The following SAMMSON variants were observed in gnomAD, a reference collection of about 807,000 sequenced individuals.
SAMMSON encodes long intergenic non-protein coding RNA 1212.
At chr3:70,185,469 C>T (rs893479922) in intron 4 of SAMMSON, among the ~76,000 whole-genome samples, 3 of 152,108 alleles carry the variant, frequency 2.0e-5, no homozygotes, top group Non-Finnish European at 4.4e-5. Context: ...AAGTTTGCCA[C>T]CCTCTTGCAG....
intron 8 of SAMMSON, among the ~76,000 whole-genome samples, chr3:70,356,685 C>A (rs534372774): frequency 2.6e-5 from 4 of 151,888 alleles, no homozygotes; most frequent in Admixed American, 2.6e-4. Context: ...AATACCTATC[C>A]TTTTTGTTTT....
At chr3:70,235,371 A>G (rs1002157397) in intron 4 of SAMMSON, among the ~76,000 whole-genome samples, 3 of 152,150 alleles carry the variant, frequency 2.0e-5, no homozygotes, top group Non-Finnish European at 4.4e-5. Context: ...ATACTATTTC[A>G]TCACCCACTC....
At chr3:70,127,727 T>G (rs1576129205) in intron 4 of SAMMSON, 1 of 152,306 alleles carries the variant, frequency 6.6e-6, no homozygotes, top group Non-Finnish European at 1.5e-5. Context: ...CTTCATCTTC[T>G]GCCTCCCAGT....
intron 7 of SAMMSON, among the ~76,000 whole-genome samples, chr3:70,299,965 A>G (rs1702331546): frequency 6.6e-6 from 1 of 152,086 alleles, no homozygotes; most frequent in Non-Finnish European, 1.5e-5. Context: ...TCGTTCTCTG[A>G]AAAGAACATA....
At chr3:70,136,428 A>C (rs1350851001) in intron 4 of SAMMSON, among the ~76,000 whole-genome samples, 2 of 152,208 alleles carry the variant, frequency 1.3e-5, no homozygotes, top group Admixed American at 1.3e-4. Flanking sequence ...GGCCTTTGCC[A>C]ATAGCCATCT....
chr3:70,337,161 CTAACTTAATATAATATTAATAATATG>C (rs879923808), intron 7 of SAMMSON, among the ~76,000 whole-genome samples: 10,326 of 72,082 alleles, frequency 0.14, 497 homozygotes, highest in South Asian at 0.16. Context: ...ATAATAATAT[CTAACTTAATATAATATTAATAATATG>C]TAACTTAATA....
chr3:70,109,637 T>A (rs935770827), intron 4 of SAMMSON, among the ~76,000 whole-genome samples: 3 of 152,132 alleles, frequency 2.0e-5, no homozygotes, highest in Admixed American at 2.0e-4. Context: ...ATATTCACAA[T>A]AGCTCTGTGA....
At position 70,198,552 on chromosome 3, in the gene SAMMSON, T is replaced by C. The variant is rs982840342; in HGVS notation, n.508-50555T>C. ...CTATATAAAGTTATAAGGTGAGTCC[T>C]GAATATAAGTAAACAGAAATCTTTC... is the stretch of plus-strand genomic sequence containing the variant. On this transcript the variant is annotated intron_variant and non_coding_transcript_variant, in intron 4 of 9. Coordinates refer to ENST00000642114, the Ensembl canonical transcript of SAMMSON. Among the ~76,000 whole-genome samples the C allele has an allele frequency of 7.8e-4, 119 of 152,200 alleles. 1 individual carries two copies. The highest frequency in any genetic ancestry group is 1.8e-4 in the Non-Finnish European group (12 of 68,034).
At chr3:70,178,294 GA>G (rs1418650212) in intron 4 of SAMMSON, among the ~76,000 whole-genome samples, 2 of 152,162 alleles carry the variant, frequency 1.3e-5, no homozygotes, top group African/African-American at 4.8e-5. Context: ...TCTAGGCTCT[GA>G]TACACTTAAG....
At chr3:70,195,330 C>T (rs769459641) in intron 4 of SAMMSON, among the ~76,000 whole-genome samples, 58 of 152,186 alleles carry the variant, frequency 3.8e-4, no homozygotes, top group Admixed American at 3.0e-3. Flanking sequence ...TTTCATGCTC[C>T]GTGGTTTGTG....
chr3:70,112,591 A>G (rs996252981), intron 4 of SAMMSON, among the ~76,000 whole-genome samples: 10 of 152,278 alleles, frequency 6.6e-5, no homozygotes, highest in Middle Eastern at 3.4e-3. Context: ...AGTTCACCCT[A>G]ATGCCACGGA....
chr3:70,136,595 T>C (rs1037700372), intron 4 of SAMMSON, among the ~76,000 whole-genome samples: 3 of 152,246 alleles, frequency 2.0e-5, no homozygotes, highest in Non-Finnish European at 4.4e-5. Context: ...CTGTGTGAGA[T>C]AGTAAATGTT....
chr3:70,101,685 C>T (rs746496243), intron 4 of SAMMSON, among the ~76,000 whole-genome samples: 1 of 152,092 alleles, frequency 6.6e-6, no homozygotes, highest in East Asian at 1.9e-4. Context: ...AGCCTTTTAC[C>T]TCTTGCAAGC....
At chr3:70,385,291 A>G (rs141736364) in intron 9 of SAMMSON, among the ~76,000 whole-genome samples, 1 of 152,230 alleles carries the variant, frequency 6.6e-6, no homozygotes, top group African/African-American at 2.4e-5. Flanking sequence ...TCCACCATGT[A>G]AGAGGTACTC....
Position 70,429,943 on chromosome 3 carries a change from T to G in SAMMSON, n.234-32617T>G, listed in dbSNP as rs1179682900. On this transcript the variant is annotated intron_variant and non_coding_transcript_variant, in intron 2 of 3. Coordinates refer to the SAMMSON transcript ENST00000641053. Reference sequence around the variant, plus strand: ...ACAACTTGAATTCCTTTCTTCCTATTTGAATACACTTTATTTGTTTATCTT... The same window carrying G: ...ACAACTTGAATTCCTTTCTTCCTATGTGAATACACTTTATTTGTTTATCTT... Among the ~76,000 whole-genome samples, 3 of 152,176 alleles carry G rather than the reference T, an allele frequency of 2.0e-5. No homozygotes were observed. The East Asian group carries it at 5.8e-4, about 29-fold the overall frequency.
chr3:70,210,623 C>G (rs1477987706), intron 4 of SAMMSON, among the ~76,000 whole-genome samples: 2 of 152,072 alleles, frequency 1.3e-5, no homozygotes, highest in Admixed American at 1.3e-4. Flanking sequence ...GTCATATCTT[C>G]TGTAGAGAAA....
At chr3:70,383,349 A>T (rs1379709270) in intron 9 of SAMMSON, among the ~76,000 whole-genome samples, 1 of 148,978 alleles carries the variant, frequency 6.7e-6, no homozygotes, top group African/African-American at 2.5e-5. Context: ...AATAAAAATA[A>T]AAAAAAAAAA....
At chr3:70,226,882 G>C (rs753631451) in intron 4 of SAMMSON, among the ~76,000 whole-genome samples, 1 of 152,136 alleles carries the variant, frequency 6.6e-6, no homozygotes, top group East Asian at 1.9e-4. Flanking sequence ...GATGGAAAAG[G>C]AGAGAAGAGG....
chr3:70,354,594 G>A (rs1315191718), intron 8 of SAMMSON, among the ~76,000 whole-genome samples: 1 of 152,170 alleles, frequency 6.6e-6, no homozygotes, highest in Non-Finnish European at 1.5e-5. Flanking sequence ...GCTGCAGGGA[G>A]TGTAACTGTG....
Sources: allele counts gnomAD v4.1 joint callset (sites outside exome capture counted in the v4.1 genomes callset), GRCh38; gene constraint gnomAD v4.1.1; transcripts MANE v1.5; gene names NCBI Gene and HGNC (gene_info 2026-07-23, HGNC 2026-07-21).